The following ZNF782 variants were observed in gnomAD, a reference collection of about 807,000 sequenced individuals.
ZNF782 encodes the protein zinc finger protein 782.
ZNF782 carries 12 observed loss-of-function variants against 13.0 expected under a neutral mutation model. The ratio of observed to expected loss-of-function variants is 0.92; its 90% CI spans 0.59 to 1.50. The LOEUF is 1.50. ZNF782 is among the 40% of genes most tolerant of loss of function. ZNF782 has a pLI of 0.00. For missense variants in ZNF782, 770 were observed against 822.9 expected (o/e 0.94, Z 0.79); for synonymous variants, 284 against 283.0 (o/e 1.00, Z -0.04).
At chr9:96,899,158 G>A in the ZNF782 span, among the ~76,000 whole-genome samples, 1 of 150,828 alleles carries the variant, frequency 6.6e-6, no homozygotes, top group African/African-American at 2.5e-5. Context: ...TGTTTTCAAG[G>A]TTCATCCATG....
Position 96,818,769 on chromosome 9 carries a change from T to TA in ZNF782, c.1253_1254insT (p.Glu419ArgfsTer7). On this transcript the variant is annotated frameshift_variant, in exon 6 of 6. Coordinates refer to ENST00000481138, the MANE Select transcript of ZNF782 (RefSeq NM_001001662.3). LOFTEE classifies it low-confidence loss of function (END_TRUNC). ...ATCCATCACATTTGTATGGTTTCTC[T>TA]CCCGTGTGAGTTCTCTGATGTTTTC... 6.2e-7 allele frequency: 1 copy of TA among 1,612,922 alleles called. No homozygotes were observed. The highest frequency in any genetic ancestry group is 2.2e-5 in the East Asian group (1 of 44,758).
chr9:96,819,864 A>T, intron 5 of ZNF782, 86 bp from the exon 6 acceptor site: 1 of 1,043,762 alleles, frequency 9.6e-7, no homozygotes, highest in Non-Finnish European at 1.3e-6. Flanking sequence ...ATGCCCTATT[A>T]TGTATTTGAT....
intron 4 of ZNF782, among the ~76,000 whole-genome samples, chr9:96,840,182 T>C (rs1416568517): frequency 6.6e-6 from 1 of 152,144 alleles, no homozygotes; most frequent in Non-Finnish European, 1.5e-5. Flanking sequence ...TAATATATAT[T>C]CACTTGGTCC....
chr9:96,865,031 G>A (rs1420778188), intron 1 of ZNF782, among the ~76,000 whole-genome samples: 1 of 152,052 alleles, frequency 6.6e-6, no homozygotes, highest in Non-Finnish European at 1.5e-5. Flanking sequence ...GGGTGACAGA[G>A]CAAGACCCTG....
At chr9:96,911,965 C>T in the ZNF782 span, among the ~76,000 whole-genome samples, 5 of 151,812 alleles carry the variant, frequency 3.3e-5, no homozygotes, top group East Asian at 7.7e-4. Flanking sequence ...TTTGAGAGGC[C>T]GAGGCGGGCA....
intron 1 of ZNF782, among the ~76,000 whole-genome samples, chr9:96,869,791 T>G (rs979414384): frequency 4.6e-5 from 7 of 152,230 alleles, no homozygotes; most frequent in Non-Finnish European, 1.0e-4. Context: ...GATGCTTTAG[T>G]CATTAGACTT....
At chr9:96,849,715 C>T (rs1851436972) in intron 3 of ZNF782, among the ~76,000 whole-genome samples, 1 of 151,998 alleles carries the variant, frequency 6.6e-6, no homozygotes, top group Non-Finnish European at 1.5e-5. Flanking sequence ...AAATAATTAC[C>T]AGAGTAAACA....
chr9:96,848,518 A>C lies in ZNF782; in HGVS notation c.15+3429T>G, dbSNP rs76532083. On this transcript the variant is annotated intron_variant, in intron 3 of 5. Coordinates refer to ENST00000481138, the MANE Select transcript of ZNF782 (RefSeq NM_001001662.3). ...TCAGCAGCAATGCTATACCAACAAC[A>C]ACCAAGCTAAGAATCAAATCAAGAA... is the stretch of plus-strand genomic sequence containing the variant. 9.2e-3 allele frequency among the ~76,000 whole-genome samples: 1,405 copies of C among 152,338 alleles called. 51 individuals are homozygous for C. The East Asian group carries it at 0.1, about 11-fold the overall frequency.
chr9:96,823,032 G>T (rs6477710), intron 5 of ZNF782, among the ~76,000 whole-genome samples: 104,045 of 152,034 alleles, frequency 0.68, 37,967 homozygotes, highest in East Asian at 0.99. Flanking sequence ...GAGCAGAGTT[G>T]TGAAAGACAC....
In ZNF782 at chr9:96,818,778, A is replaced by T. The variant is rs937443592; in HGVS notation, c.1245T>A (p.Thr415=). The T allele has an allele frequency of 1.2e-6, 2 of 1,613,788 alleles. No individual in the cohort carries two copies. ...ATTTGTATGGTTTCTCTCCCGTGTG[A>T]GTTCTCTGATGTTTTCTTAGGCGTG... ...EKSRLRKHQR[T]HTGEKPYKCD... Residue 415 remains threonine (T), a synonymous_variant, in exon 6 of 6, where the codon ACT becomes ACA. Transcript: ENST00000481138.
At chr9:96,870,004 C>G (rs1162809464) in intron 1 of ZNF782, among the ~76,000 whole-genome samples, 1 of 152,148 alleles carries the variant, frequency 6.6e-6, no homozygotes, top group Admixed American at 6.5e-5. Context: ...ACTGTGACAT[C>G]TTTAGGAGCC....
chr9:96,819,550 GAATAC>G lies in ZNF782; in HGVS notation c.468_472del (p.Gln156HisfsTer7). On this transcript the variant is annotated frameshift_variant, in exon 6 of 6. Transcript: ENST00000481138. LOFTEE classifies it low-confidence loss of function (END_TRUNC). ...ATTACGCTCATGAGCCTTTTCTTTTGAATACTGACAGTGTGGGGCCATCAGGCTGA... is the reference window on the plus strand; with the variant it reads ...ATTACGCTCATGAGCCTTTTCTTTTGTGACAGTGTGGGGCCATCAGGCTGA... The G allele has an allele frequency of 6.2e-7, 1 of 1,612,532 alleles. No individual in the cohort carries two copies. The highest frequency in any genetic ancestry group is 1.3e-5 in the African/African-American group (1 of 74,860).
In ZNF782 at chr9:96,818,826, G is replaced by A. The variant is rs1190172222; in HGVS notation, c.1197C>T (p.Cys399=). 4.3e-6 allele frequency: 7 copies of A among 1,611,214 alleles called. No homozygotes were observed. The highest frequency in any genetic ancestry group is 1.7e-5 in the Admixed American group (1 of 59,662). The change falls in exon 6 of 6, where the codon TGC becomes TGT. Residue 399 remains cysteine, a synonymous_variant. Coordinates refer to ENST00000481138, the MANE Select transcript of ZNF782 (RefSeq NM_001001662.3). ...GTGACTTCTCACTGAAGGCTTTCCC[G>A]CACTCAGGACATTCATAGGGTTTCT... ...TGEKPYECPE[C]GKAFSEKSRL...
the ZNF782 span, among the ~76,000 whole-genome samples, chr9:96,907,728 T>C: frequency 6.6e-6 from 1 of 151,706 alleles, no homozygotes; most frequent in Admixed American, 6.6e-5. Context: ...GCAACCTCCA[T>C]CTCCCGGGTT....
At chr9:96,915,014 G>A in the ZNF782 span, among the ~76,000 whole-genome samples, 2 of 150,964 alleles carry the variant, frequency 1.3e-5, no homozygotes, top group East Asian at 2.1e-4. Flanking sequence ...AAAATGTGTC[G>A]GGGTGCCAGG....
chr9:96,835,469 C>T (rs1406045180), intron 4 of ZNF782, among the ~76,000 whole-genome samples: 1 of 152,182 alleles, frequency 6.6e-6, no homozygotes, highest in African/African-American at 2.4e-5. Flanking sequence ...CTTCAAGTTG[C>T]TTCTCCCATT....
chr9:96,918,589 T>G, the ZNF782 span: 1 of 150,522 alleles, frequency 6.6e-6, no homozygotes, highest in Admixed American at 6.6e-5. Context: ...TTTGCAAAGA[T>G]AAGAGACAAA....
At chr9:96,844,055 A>G (rs79093506) in intron 4 of ZNF782, among the ~76,000 whole-genome samples, 2,874 of 152,338 alleles carry the variant, frequency 0.019, 78 homozygotes, top group African/African-American at 0.065. Context: ...ATGCAAATTA[A>G]AACCCAACTA....
At chr9:96,918,606 T>C in the ZNF782 span, 1 of 151,176 alleles carries the variant, frequency 6.6e-6, no homozygotes, top group East Asian at 2.2e-4. Flanking sequence ...CAAAAGGATA[T>C]GTTTTAAATT....
Sources: allele counts gnomAD v4.1 joint callset (sites outside exome capture counted in the v4.1 genomes callset), GRCh38; gene constraint gnomAD v4.1.1; transcripts MANE v1.5; gene names NCBI Gene and HGNC (gene_info 2026-07-23, HGNC 2026-07-21).